RS1: variants seen among roughly 807,000 people sequenced by gnomAD.
The protein encoded by RS1 is retinoschisin 1.
Under a neutral mutation model 20.8 loss-of-function variants are expected in RS1, and 2 were observed. The observed-to-expected ratio is 0.10, with a 90% CI of 0.04 to 0.30. The LOEUF is 0.30. Ranked by LOEUF, RS1 falls within the 10% of genes least tolerant of loss-of-function variation. The pLI, the probability that RS1 is intolerant of heterozygous loss-of-function variation, is 1.00. For missense variants in RS1, 151 were observed against 189.8 expected (o/e 0.80, Z 1.20); for synonymous variants, 70 against 75.8 (o/e 0.92, Z 0.40).
chrX:18,653,842 C>T (rs1569232613), intron 3 of RS1, among the ~76,000 whole-genome samples: 1 of 109,847 alleles, frequency 9.1e-6, no homozygotes, highest in East Asian at 2.9e-4. Context: ...GTGGTGTGCA[C>T]CTGTAGTCCC....
chrX:18,658,469 T>G (rs1353029378), intron 1 of RS1, among the ~76,000 whole-genome samples: 1 of 110,610 alleles, frequency 9.0e-6, no homozygotes, highest in Non-Finnish European at 1.9e-5. Flanking sequence ...TTTCTTTCTT[T>G]TTTGAGATGG....
chrX:18,662,240 C>G (rs910591823), intron 1 of RS1, among the ~76,000 whole-genome samples: 6 of 112,382 alleles, frequency 5.3e-5, no homozygotes, highest in Admixed American at 3.8e-4. Flanking sequence ...GCTTCTCAAA[C>G]AGACAAAGAC....
chrX:18,664,050 C>T lies in RS1; in HGVS notation c.53-6385G>A, dbSNP rs1157743033. On this transcript the variant is annotated intron_variant, in intron 1 of 5. Coordinates refer to ENST00000379984, the MANE Select transcript of RS1 (RefSeq NM_000330.4). Reference sequence around the variant, plus strand: ...TGCGCCCTATGACCCAGCAATTCCACTCCTAAGTAGCTACCCACCAGATAT... The same window carrying T: ...TGCGCCCTATGACCCAGCAATTCCATTCCTAAGTAGCTACCCACCAGATAT... Among the ~76,000 whole-genome samples the T allele has an allele frequency of 1.4e-4, 16 of 111,791 alleles. No homozygotes were observed. In the Admixed American group the frequency reaches 1.5e-3, roughly 11 times the overall value.
At chrX:18,648,895 T>A (rs374398248) in intron 3 of RS1, among the ~76,000 whole-genome samples, 1 of 109,406 alleles carries the variant, frequency 9.1e-6, no homozygotes, top group East Asian at 2.9e-4. Context: ...TGGGGCAACA[T>A]AGGGAGACCC....
intron 1 of RS1, among the ~76,000 whole-genome samples, chrX:18,668,412 C>A (rs1928438254): frequency 8.9e-6 from 1 of 112,491 alleles, no homozygotes; most frequent in Non-Finnish European, 1.9e-5. Flanking sequence ...ACAGGAAAAC[C>A]TAGTTTAGTC....
At chrX:18,667,378 C>G (rs1372871463) in intron 1 of RS1, among the ~76,000 whole-genome samples, 1 of 110,439 alleles carries the variant, frequency 9.1e-6, no homozygotes, top group Non-Finnish European at 1.9e-5. Context: ...AACCCTGTCT[C>G]TACAAAAAAC....
intron 3 of RS1, among the ~76,000 whole-genome samples, chrX:18,649,812 G>A (rs1329014926): frequency 1.8e-5 from 2 of 112,016 alleles, no homozygotes; most frequent in Non-Finnish European, 3.8e-5. Context: ...TCCCCCACCC[G>A]CGACACCCCT....
At chrX:18,645,936 A>G in intron 4 of RS1, 1 of 1,205,966 alleles carries the variant, frequency 8.3e-7, no homozygotes, top group Non-Finnish European at 1.1e-6. Flanking sequence ...AGTGGCCAAT[A>G]GAATATGTTT....
chrX:18,666,148 A>AGT (rs1309096043), intron 1 of RS1, among the ~76,000 whole-genome samples: 5 of 103,964 alleles, frequency 4.8e-5, no homozygotes, highest in African/African-American at 1.0e-4. Flanking sequence ...CTCATAGGCT[A>AGT]GTGTGTGTGT....
intron 3 of RS1, among the ~76,000 whole-genome samples, chrX:18,654,559 C>T (rs1253783497): frequency 3.6e-5 from 4 of 112,176 alleles, no homozygotes; most frequent in Non-Finnish European, 7.5e-5. Flanking sequence ...TTTCTGTCTC[C>T]TTGTCAGTGC....
chrX:18,645,710 A>G (rs1927743954), intron 4 of RS1, among the ~76,000 whole-genome samples: 1 of 111,192 alleles, frequency 9.0e-6, no homozygotes, highest in East Asian at 2.8e-4. Context: ...CTTTTCTTAA[A>G]ACACAAATGT....
chrX:18,643,709 A>T (rs770909709), intron 5 of RS1, among the ~76,000 whole-genome samples: 1 of 111,860 alleles, frequency 8.9e-6, no homozygotes. Flanking sequence ...TCAGCTGTAC[A>T]TGTCTACTTA....
chrX:18,650,836 C>T (rs1318029000), intron 3 of RS1, among the ~76,000 whole-genome samples: 2 of 112,305 alleles, frequency 1.8e-5, no homozygotes, highest in African/African-American at 6.5e-5. Flanking sequence ...AGTTGCTTAA[C>T]CTCTCTGGGT....
At chrX:18,642,226 A>G (rs1205795038) in intron 5 of RS1, 70 bp from the exon 6 acceptor site, 1 of 1,087,710 alleles carries the variant, frequency 9.2e-7, no homozygotes, top group African/African-American at 1.8e-5. Context: ...TCCTTTCTGG[A>G]GCTAGCCCCA....
chrX:18,656,019 C>T (rs111310301), intron 3 of RS1, among the ~76,000 whole-genome samples: 66 of 83,066 alleles, frequency 7.9e-4, no homozygotes, highest in African/African-American at 2.9e-3. Flanking sequence ...TTGAGACAGC[C>T]TCTCGCTCTG....
chrX:18,663,979 C>T (rs1351395758), intron 1 of RS1, among the ~76,000 whole-genome samples: 1 of 111,896 alleles, frequency 8.9e-6, no homozygotes, highest in African/African-American at 3.2e-5. Context: ...GTGGTCTAAC[C>T]TCTTTGGAAA....
Position 18,653,492 on chromosome X carries a change from A to G in RS1, c.184+3161T>C, listed in dbSNP as rs1928137395. On this transcript the variant is annotated intron_variant, in intron 3 of 5. Transcript: ENST00000379984. ...GCCCTGATTCACAGGGCCCAGGTAAACCAAGCTGCGCTCCTGACATACCAT... is the reference window on the plus strand; with the variant it reads ...GCCCTGATTCACAGGGCCCAGGTAAGCCAAGCTGCGCTCCTGACATACCAT... 6 of 1,211,582 alleles carry G rather than the reference A, an allele frequency of 5.0e-6. No individual in the cohort carries two copies. The highest frequency in any genetic ancestry group is 6.7e-6 in the Non-Finnish European group (6 of 895,527).
At chrX:18,642,901 A>G (rs1203472906) in intron 5 of RS1, among the ~76,000 whole-genome samples, 1 of 110,504 alleles carries the variant, frequency 9.0e-6, no homozygotes, top group Non-Finnish European at 1.9e-5. Flanking sequence ...AAAATTAGCC[A>G]GGCGCAGTGG....
chrX:18,657,713 A>G (rs1928242594), intron 1 of RS1, 48 bp from the exon 2 acceptor site: 1 of 961,856 alleles, frequency 1.0e-6, no homozygotes, highest in Admixed American at 2.2e-5. Context: ...TGAAAGAGAA[A>G]TCCAACAGCA....
Sources: allele counts gnomAD v4.1 joint callset (sites outside exome capture counted in the v4.1 genomes callset), GRCh38; gene constraint gnomAD v4.1.1; transcripts MANE v1.5; gene names NCBI Gene and HGNC (gene_info 2026-07-23, HGNC 2026-07-21).